The following COL23A1 variants were observed in gnomAD, a reference collection of about 807,000 sequenced individuals.
The protein encoded by COL23A1 is collagen alpha-1(XXIII) chain.
Under a neutral mutation model 99.3 loss-of-function variants are expected in COL23A1, and 97 were observed. The observed-to-expected ratio is 0.98, with a 90% CI of 0.83 to 1.16. The LOEUF is 1.16. Ranked by LOEUF, COL23A1 falls within the 50% of genes most tolerant of loss-of-function variation. The pLI is 0.00. For missense variants in COL23A1, 762 were observed against 757.4 expected (o/e 1.01, Z -0.07); for synonymous variants, 320 against 308.2 (o/e 1.04, Z -0.40).
rs890242064 is a variant in COL23A1 at position 178,415,923 on chromosome 5, C to G, written c.362-109004G>C. Among the ~76,000 whole-genome samples, 3 of 151,898 alleles carry G rather than the reference C, an allele frequency of 2.0e-5. No homozygotes were observed. Among genetic ancestry groups the G allele is most frequent in the African/African-American group, 7.3e-5 (3 of 41,304 alleles). ...AGGTGATTCCAGGGCTGGATGGGACCAGAGAGAGCTTTCAGGAGGTGAAGT... is the reference window on the plus strand; with the variant it reads ...AGGTGATTCCAGGGCTGGATGGGACGAGAGAGAGCTTTCAGGAGGTGAAGT... On this transcript the variant is annotated intron_variant, in intron 2 of 28. Transcript: ENST00000390654. The surrounding 1 kb of genome is among the most constrained non-coding windows in gnomAD (Gnocchi z 4.6).
chr5:178,440,892 C>T (rs1287755737), intron 2 of COL23A1, among the ~76,000 whole-genome samples: 1 of 152,208 alleles, frequency 6.6e-6, no homozygotes, highest in Non-Finnish European at 1.5e-5. Context: ...GTAGGGATTA[C>T]ATGCATGAGC....
At chr5:178,267,223 G>T in intron 8 of COL23A1, 84 bp downstream of exon 8, 2 of 1,436,778 alleles carry the variant, frequency 1.4e-6, no homozygotes, top group South Asian at 2.3e-5. Flanking sequence ...GGGGAGCTGG[G>T]ACCCAGAAGC....
At chr5:178,416,132 T>G (rs529431738) in intron 2 of COL23A1, among the ~76,000 whole-genome samples, 1 of 152,332 alleles carries the variant, frequency 6.6e-6, no homozygotes, top group South Asian at 2.1e-4. Context: ...GACTACATAC[T>G]GGTGACCTAC....
chr5:178,530,397 G>A (rs576397570), intron 2 of COL23A1, among the ~76,000 whole-genome samples: 20 of 152,312 alleles, frequency 1.3e-4, no homozygotes, highest in Admixed American at 4.6e-4. Flanking sequence ...GGAAAGTGGA[G>A]ACTGCAGTGA....
intron 8 of COL23A1, among the ~76,000 whole-genome samples, chr5:178,266,501 G>A (rs1224829711): frequency 6.6e-6 from 1 of 151,994 alleles, no homozygotes; most frequent in Non-Finnish European, 1.5e-5. Context: ...ATGACCTCTG[G>A]GCCTCAGGAC....
At chr5:178,367,270 T>C (rs925239624) in intron 2 of COL23A1, among the ~76,000 whole-genome samples, 1 of 152,152 alleles carries the variant, frequency 6.6e-6, no homozygotes, top group African/African-American at 2.4e-5. Context: ...TTTTCTATCA[T>C]TAAGCTGACG....
At chr5:178,579,548 G>C (rs1454494339) in intron 1 of COL23A1, among the ~76,000 whole-genome samples, 1 of 152,044 alleles carries the variant, frequency 6.6e-6, no homozygotes, top group Non-Finnish European at 1.5e-5. Flanking sequence ...CTGCCTCCCG[G>C]GTTCAAGAGA....
chr5:178,322,919 C>T (rs751224865), intron 2 of COL23A1, among the ~76,000 whole-genome samples: 15 of 152,206 alleles, frequency 9.9e-5, no homozygotes, highest in Non-Finnish European at 2.2e-4. Context: ...TGGGTCCACT[C>T]GAGGACATGC....
rs148195578 is a variant in COL23A1 at position 178,565,560 on chromosome 5, A to G, written c.295-4812T>C. Reference sequence around the variant, plus strand: ...TTGATACCCCACCACGATGATGATGATAACAAATACAACTGAAGTATTATT... The same window carrying G: ...TTGATACCCCACCACGATGATGATGGTAACAAATACAACTGAAGTATTATT... On this transcript the variant is annotated intron_variant, in intron 1 of 28. Transcript: ENST00000390654. Among the ~76,000 whole-genome samples the G allele has an allele frequency of 1.3e-3, 205 of 152,290 alleles. 1 individual carries two copies. The highest frequency in any genetic ancestry group is 4.6e-3 in the African/African-American group (191 of 41,544).
At chr5:178,565,163 AAAC>A (rs1046873431) in intron 1 of COL23A1, among the ~76,000 whole-genome samples, 1 of 152,250 alleles carries the variant, frequency 6.6e-6, no homozygotes, top group African/African-American at 2.4e-5. Context: ...GCAACTAACA[AAAC>A]AACCCACATG....
intron 2 of COL23A1, among the ~76,000 whole-genome samples, chr5:178,360,427 G>A (rs979876045): frequency 1.3e-5 from 2 of 152,248 alleles, no homozygotes; most frequent in Admixed American, 6.5e-5. Flanking sequence ...GGGAGAAGCT[G>A]CCATGGGAAC....
In COL23A1 at chr5:178,340,984, T is replaced by C. The variant is rs1422066235; in HGVS notation, c.362-34065A>G. Among the ~76,000 whole-genome samples the C allele has an allele frequency of 2.0e-5, 3 of 152,206 alleles. No homozygotes were observed. On this transcript the variant is annotated intron_variant, in intron 2 of 28. Transcript: ENST00000390654. This position sits in a 1 kb window ranked among gnomAD's most constrained non-coding sequence, Gnocchi z 4.7. ...TACTGACCATACCCACCAGCTCTAT[T>C]TCCCCCATTATGAAGATGGAGGAAC...
intron 2 of COL23A1, among the ~76,000 whole-genome samples, chr5:178,508,061 T>G (rs189787771): frequency 7.9e-4 from 121 of 152,304 alleles, no homozygotes; most frequent in African/African-American, 2.8e-3. Flanking sequence ...TTTCTCTCTG[T>G]TGTTCAGATT....
At chr5:178,578,174 T>C (rs1008314522) in intron 1 of COL23A1, among the ~76,000 whole-genome samples, 6 of 151,774 alleles carry the variant, frequency 4.0e-5, no homozygotes, top group African/African-American at 1.5e-4. Flanking sequence ...CTTACGTGCA[T>C]ATGCATACAT....
At chr5:178,326,715 C>A (rs1759684323) in intron 2 of COL23A1, among the ~76,000 whole-genome samples, 1 of 152,142 alleles carries the variant, frequency 6.6e-6, no homozygotes, top group African/African-American at 2.4e-5. Flanking sequence ...TGACTCAATT[C>A]TTTTTGTTTA....
chr5:178,272,036 T>C (rs192577076), intron 5 of COL23A1, among the ~76,000 whole-genome samples: 2 of 152,302 alleles, frequency 1.3e-5, no homozygotes, highest in East Asian at 3.9e-4. Flanking sequence ...TCCTCTGTGG[T>C]TAGGGCCAGC....
chr5:178,588,808 AG>A (rs573299677), intron 1 of COL23A1, among the ~76,000 whole-genome samples: 64 of 152,342 alleles, frequency 4.2e-4, no homozygotes, highest in African/African-American at 1.4e-3. Context: ...ACGTTAATAA[AG>A]ATCCCAGCTG....
chr5:178,388,221 G>C lies in COL23A1; in HGVS notation c.362-81302C>G, dbSNP rs1258464841. 3.3e-5 allele frequency among the ~76,000 whole-genome samples: 5 copies of C among 152,232 alleles called. No homozygotes were observed. In the East Asian group the frequency reaches 9.6e-4, roughly 29 times the overall value. ...CTCCCTCCAGCAAGCAGGTCTGTCA[G>C]AGATGCAAGACCTGCTTTTAGCGCT... On this transcript the variant is annotated intron_variant, in intron 2 of 28. Transcript: ENST00000390654.
intron 2 of COL23A1, among the ~76,000 whole-genome samples, chr5:178,344,538 G>A (rs1760853447): frequency 6.6e-6 from 1 of 152,168 alleles, no homozygotes; most frequent in South Asian, 2.1e-4. Context: ...GCAGGAGGCT[G>A]AGGCAGGACA....
Sources: gnomAD v4.1 joint callset for allele counts (sites outside exome capture counted in the v4.1 genomes callset) on GRCh38, gnomAD v4.1.1 for gene constraint, Gnocchi (gnomAD v3.1) non-coding constraint, MANE v1.5 for transcripts, NCBI Gene and HGNC (gene_info 2026-07-23, HGNC 2026-07-21) for gene names.